Variants in KCNK9 observed in about 807,000 individuals in gnomAD.
The protein encoded by KCNK9 is potassium two pore domain channel subfamily K member 9, also known as potassium channel subfamily K member 9.
A neutral mutation model predicts 10.8 loss-of-function variants in KCNK9; 1 was observed. The ratio of observed to expected loss-of-function variants is 0.09; its 90% CI spans 0.03 to 0.44. The LOEUF (loss-of-function observed/expected upper bound fraction) is 0.44. Among genes scored for constraint, KCNK9 ranks in the 20% least tolerant of loss-of-function variants. The pLI is 0.97. For missense variants in KCNK9, 303 were observed against 515.0 expected (o/e 0.59, Z 3.98); for synonymous variants, 231 against 222.7 (o/e 1.04, Z -0.33).
At chr8:139,684,291 A>C (rs1377467187) in intron 1 of KCNK9, among the ~76,000 whole-genome samples, 1 of 152,176 alleles carries the variant, frequency 6.6e-6, no homozygotes, top group African/African-American at 2.4e-5. Context: ...AGCACCATAC[A>C]TTTCTGATAG....
chr8:139,639,278 A>T (rs1239745160), intron 1 of KCNK9, among the ~76,000 whole-genome samples: 1 of 152,244 alleles, frequency 6.6e-6, no homozygotes, highest in Non-Finnish European at 1.5e-5. Context: ...CAGTTCCAGC[A>T]TCATCCCCAT....
chr8:139,619,755 C>T (rs1814720191), intron 1 of KCNK9, among the ~76,000 whole-genome samples: 1 of 152,212 alleles, frequency 6.6e-6, no homozygotes, highest in South Asian at 2.1e-4. Flanking sequence ...AAGAATGAGG[C>T]TCAAAAGCAG....
intron 1 of KCNK9, among the ~76,000 whole-genome samples, chr8:139,658,927 A>C (rs1816085502): frequency 6.6e-6 from 1 of 152,232 alleles, no homozygotes; most frequent in African/African-American, 2.4e-5. Flanking sequence ...GGATGAGGGT[A>C]CACGGGAAGG....
intron 1 of KCNK9, among the ~76,000 whole-genome samples, chr8:139,642,845 G>A (rs1253658539): frequency 6.6e-6 from 1 of 152,206 alleles, no homozygotes; most frequent in Non-Finnish European, 1.5e-5. Flanking sequence ...TGGGGAACCT[G>A]AGCAGCAGGG....
rs527243148 is a variant in KCNK9 at position 139,684,680 on chromosome 8, GC to G, written c.283+18029del. Reference sequence around the variant, plus strand: ...AAACCTTTATGCATCCAACCACATAGCTTCAAAAAACATAAAACTAAAATTG... The same window carrying G: ...AAACCTTTATGCATCCAACCACATAGTTCAAAAAACATAAAACTAAAATTG... On this transcript the variant is annotated intron_variant, in intron 1 of 1. Coordinates refer to ENST00000520439, the MANE Select transcript of KCNK9 (RefSeq NM_001282534.2). Among the ~76,000 whole-genome samples the G allele has an allele frequency of 5.9e-5, 9 of 152,242 alleles. No homozygotes were observed. The East Asian group carries it at 1.7e-3, about 29-fold the overall frequency.
intron 1 of KCNK9, among the ~76,000 whole-genome samples, chr8:139,700,816 TC>T (rs1293317527): frequency 6.6e-6 from 1 of 152,154 alleles, no homozygotes; most frequent in African/African-American, 2.4e-5. Flanking sequence ...AGTAAGAACT[TC>T]ATCAGTCTCC....
chr8:139,697,457 G>A (rs2129812932), intron 1 of KCNK9, among the ~76,000 whole-genome samples: 1 of 148,556 alleles, frequency 6.7e-6, no homozygotes, highest in Middle Eastern at 3.6e-3. Flanking sequence ...GGATTGATGG[G>A]TGGCAGATGC....
chr8:139,640,675 G>A (rs753871357), intron 1 of KCNK9, among the ~76,000 whole-genome samples: 3 of 152,196 alleles, frequency 2.0e-5, no homozygotes, highest in African/African-American at 4.8e-5. Flanking sequence ...AACCCTGGAC[G>A]GGACTCCTGA....
downstream of KCNK9, chr8:139,616,402 T>G (rs1451579580): frequency 6.6e-6 from 1 of 152,224 alleles, no homozygotes; most frequent in East Asian, 1.9e-4. Flanking sequence ...GGTTGAGAAC[T>G]GTCAACTTTG....
At chr8:139,637,760 T>TACACACACACACACAC (rs34018499) in intron 1 of KCNK9, among the ~76,000 whole-genome samples, 1,472 of 146,186 alleles carry the variant, frequency 0.01, 25 homozygotes, top group African/African-American at 0.026. Context: ...ATTCCTACTC[T>TACACACACACACACAC]ACACACACAC....
intron 1 of KCNK9, among the ~76,000 whole-genome samples, chr8:139,686,538 C>G (rs1816793105): frequency 6.6e-6 from 1 of 152,170 alleles, no homozygotes; most frequent in Non-Finnish European, 1.5e-5. Flanking sequence ...TTTAAATGTG[C>G]AAAATGCAAG....
intron 1 of KCNK9, among the ~76,000 whole-genome samples, chr8:139,650,598 C>T (rs1815833914): frequency 6.6e-6 from 1 of 152,104 alleles, no homozygotes; most frequent in South Asian, 2.1e-4. Flanking sequence ...CACACAGGGA[C>T]CATATCCCCT....
intron 1 of KCNK9, among the ~76,000 whole-genome samples, chr8:139,622,558 C>T (rs974731981): frequency 6.6e-5 from 10 of 152,206 alleles, no homozygotes; most frequent in Non-Finnish European, 1.5e-4. Flanking sequence ...CCAGGAACTG[C>T]ACCCTTGGCA....
At chr8:139,614,160 A>G (rs1814511700), downstream of KCNK9, among the ~76,000 whole-genome samples, 1 of 152,140 alleles carries the variant, frequency 6.6e-6, no homozygotes, top group Non-Finnish European at 1.5e-5. Context: ...GAGAATCAGG[A>G]CCCATTGGCT....
chr8:139,669,187 G>T (rs1563744077), intron 1 of KCNK9, among the ~76,000 whole-genome samples: 1 of 152,068 alleles, frequency 6.6e-6, no homozygotes, highest in South Asian at 2.1e-4. Flanking sequence ...GAAAAGTCTT[G>T]TCTTCATGTG....
intron 1 of KCNK9, among the ~76,000 whole-genome samples, chr8:139,669,148 C>A (rs1816370448): frequency 6.6e-6 from 1 of 152,104 alleles, no homozygotes; most frequent in Non-Finnish European, 1.5e-5. Context: ...TCATCTGAGC[C>A]TTGAGCAAGT....
At chr8:139,610,653 A>G (rs1417039404), downstream of KCNK9, among the ~76,000 whole-genome samples, 1 of 152,134 alleles carries the variant, frequency 6.6e-6, no homozygotes, top group Non-Finnish European at 1.5e-5. Flanking sequence ...CTATTTTTAG[A>G]ATTTTATTAT....
At chr8:139,608,679 A>G (rs930336618), downstream of KCNK9, among the ~76,000 whole-genome samples, 7 of 151,968 alleles carry the variant, frequency 4.6e-5, no homozygotes, top group Non-Finnish European at 4.4e-5. Flanking sequence ...TCTACTACAC[A>G]ACGTACTGCA....
At chr8:139,602,358 CA>C (rs1017609870) in intron 2 of KCNK9, among the ~76,000 whole-genome samples, 58 of 152,270 alleles carry the variant, frequency 3.8e-4, no homozygotes, top group African/African-American at 1.3e-3. Context: ...CCTAGGTTGG[CA>C]AAGTTCAAAT....
Sources: allele counts gnomAD v4.1 joint callset (sites outside exome capture counted in the v4.1 genomes callset), GRCh38; gene constraint gnomAD v4.1.1; transcripts MANE v1.5; gene names NCBI Gene and HGNC (gene_info 2026-07-23, HGNC 2026-07-21).